The following PTPRN variants were observed in gnomAD, a reference collection of about 807,000 sequenced individuals.
PTPRN encodes receptor-type tyrosine-protein phosphatase-like N.
A neutral mutation model predicts 108.5 loss-of-function variants in PTPRN; 70 were observed. The ratio of observed to expected loss-of-function variants is 0.65; its 90% confidence interval spans 0.53 to 0.79. The LOEUF is 0.79. PTPRN is among the 30% of genes least tolerant of loss of function. The pLI is 0.00. For missense variants in PTPRN, 1,136 were observed against 1,295.5 expected (o/e 0.88, Z 1.89); for synonymous variants, 496 against 524.6 (o/e 0.95, Z 0.75).
chr2:219,296,408 C>A lies in PTPRN; in HGVS notation c.2388+31G>T, dbSNP rs201462229. On this transcript the variant is annotated intron_variant, in intron 17 of 22. Coordinates refer to ENST00000295718, the MANE Select transcript of PTPRN (RefSeq NM_002846.4). The surrounding 1 kb of genome is among the most constrained non-coding windows in gnomAD (Gnocchi z 6.0). ...CCCTGGGACCTCGTGGCCACAAGGA[C>A]CCCAGCGAAGCCCTCCCTTTAAGAG... The A allele has an allele frequency of 1.6e-4, 266 of 1,614,062 alleles. No homozygotes were observed. The highest frequency in any genetic ancestry group is 1.9e-4 in the Non-Finnish European group (223 of 1,179,930).
intron 6 of PTPRN, among the ~76,000 whole-genome samples, 180 bp downstream of exon 6, chr2:219,301,957 A>G (rs957042863): frequency 6.6e-6 from 1 of 151,762 alleles, no homozygotes; most frequent in African/African-American, 2.4e-5. Context: ...AGTCACGTCA[A>G]CTCCACTCCC....
rs1222028348 is a variant in PTPRN, at chr2:219,299,145, C to A, written c.1604-34G>T. The A allele has an allele frequency of 2.5e-6, 4 of 1,613,518 alleles. No homozygotes were observed. In the Admixed American group the frequency reaches 6.7e-5, roughly 27 times the overall value. ...AGGACAAAGGTCAGGCTTGCTCCAG[C>A]CCCATGTGGTCTCCATCCTCTGTCT... is the stretch of plus-strand genomic sequence containing the variant. On this transcript the variant is annotated intron_variant, in intron 11 of 22. Coordinates refer to ENST00000295718, the MANE Select transcript of PTPRN (RefSeq NM_002846.4).
chr2:219,294,028 G>A (rs1439203966), intron 19 of PTPRN: 6 of 488,112 alleles, frequency 1.2e-5, no homozygotes, highest in Non-Finnish European at 2.5e-5. Context: ...CACTCCTTTC[G>A]ACAGTCTTTG....
intron 19 of PTPRN, chr2:219,294,104 T>C (rs1475800235): frequency 1.9e-6 from 1 of 529,648 alleles, no homozygotes; most frequent in Non-Finnish European, 3.9e-6. Context: ...TGTCTGTCCA[T>C]GCAGCAGCCA....
chr2:219,303,630 A>T lies in PTPRN; in HGVS notation c.377+105T>A, dbSNP rs111755690. ...TGCACCTCTTTACCTGTGCCCCAGC[A>T]TGCTGGCCTTGGTGCCCACTTCCTT... On this transcript the variant is annotated intron_variant, in intron 4 of 22. Transcript: ENST00000295718. 1.1e-4 allele frequency: 115 copies of T among 1,042,690 alleles called. No homozygotes were observed. The African/African-American group carries it at 1.6e-3, about 15-fold the overall frequency. 64.6% of individuals were successfully genotyped at this position (1,042,690 alleles called of 1,614,324 possible).
At chr2:219,301,866 C>T in intron 6 of PTPRN, 147 bp from the exon 7 acceptor site, 1 of 1,134,126 alleles carries the variant, frequency 8.8e-7, no homozygotes, top group Non-Finnish European at 1.2e-6. Context: ...CCTTTCCCAG[C>T]CCTTGTCCAC....
chr2:219,302,622 G>A lies in PTPRN; in HGVS notation c.593C>T (p.Ser198Leu). 6.2e-7 allele frequency: 1 copy of A among 1,613,998 alleles called. No homozygotes were observed. Among genetic ancestry groups the A allele is most frequent in the South Asian group, 1.1e-5 (1 of 91,082 alleles). The stretch of plus-strand genomic sequence containing the variant: ...CAGCAAGGCAGGTTCGTAACTCAGT[G>A]AAGGGTGGGGAGGCTGTGGGGGCAG... Reference protein sequence around the residue: ...LLLPPQPPHPSLSYEPALLQP... With the variant: ...LLLPPQPPHPLLSYEPALLQP... Residue 198 changes from serine to leucine, a missense_variant, in exon 5 of 23, where the codon TCA (serine) becomes TTA (leucine). Transcript: ENST00000295718.
chr2:219,308,213 T>C, intron 1 of PTPRN: 1 of 253,536 alleles, frequency 3.9e-6, no homozygotes, highest in South Asian at 4.2e-5. Context: ...GGCCTGGAAC[T>C]CAGAAGAGGT....
intron 12 of PTPRN, among the ~76,000 whole-genome samples, chr2:219,298,550 C>A (rs1248392629): frequency 2.0e-5 from 3 of 151,120 alleles, no homozygotes; most frequent in Non-Finnish European, 3.0e-5. Context: ...ACTAAAAATA[C>A]AAAAAAAAAT....
chr2:219,307,745 C>A, intron 2 of PTPRN, 47 bp downstream of exon 2: 1 of 1,600,080 alleles, frequency 6.2e-7, no homozygotes, highest in Non-Finnish European at 8.6e-7. Context: ...TTTTTTATTG[C>A]CCCTCTCCCC....
intron 3 of PTPRN, 95 bp downstream of exon 3, chr2:219,307,348 TG>T: frequency 9.7e-7 from 1 of 1,034,056 alleles, no homozygotes; most frequent in Non-Finnish European, 1.4e-6. Flanking sequence ...GCTCCAGCAG[TG>T]GGGGTGATAG....
chr2:219,309,199 G>A lies in PTPRN; in HGVS notation c.115+19C>T. The A allele has an allele frequency of 1.3e-6, 1 of 767,852 alleles. No individual in the cohort carries two copies. The highest frequency in any genetic ancestry group is 2.0e-6 in the Non-Finnish European group (1 of 498,294). The allele number at this position is 767,852 out of a possible 1,614,324, so 47.6% of individuals were successfully genotyped here. On this transcript the variant is annotated intron_variant, in intron 1 of 22. Coordinates refer to ENST00000295718, the MANE Select transcript of PTPRN (RefSeq NM_002846.4). ...GCTCCCCGCCCCCCACCACCCGCCAGCCCAAGTTTCCTCCTGACCGTGGGC... is the reference window on the plus strand; with the variant it reads ...GCTCCCCGCCCCCCACCACCCGCCAACCCAAGTTTCCTCCTGACCGTGGGC...
rs1574908727 is a variant in PTPRN, at chr2:219,291,341, A to G, written c.2729+129T>C. 5.8e-6 allele frequency: 6 copies of G among 1,034,732 alleles called. No individual in the cohort carries two copies. In the East Asian group the frequency reaches 9.8e-5, roughly 17 times the overall value. 64.1% of individuals were successfully genotyped at this position (1,034,732 alleles called of 1,614,324 possible). A position where few individuals can be genotyped will look rare whatever the true frequency, so the allele number is the denominator to read the frequency against. On this transcript the variant is annotated intron_variant, in intron 20 of 22. Transcript: ENST00000295718. ...ATGCCACGCTTAGGTCTTGGCCATT[A>G]AAAACAGGTGGTGTGCTGGATTTGG...
At position 219,291,612 on chromosome 2, in the gene PTPRN, C is replaced by T. The variant is rs555879298; in HGVS notation, c.2676-89G>A. ...CACATGACGTGGGCCTCTCTTTCTTCCTTTTCTCCCCACCTGCCCGGGGCA... is the reference window on the plus strand; with the variant it reads ...CACATGACGTGGGCCTCTCTTTCTTTCTTTTCTCCCCACCTGCCCGGGGCA... On this transcript the variant is annotated intron_variant, in intron 19 of 22. Transcript: ENST00000295718. The T allele has an allele frequency of 2.5e-5, 33 of 1,308,890 alleles. 1 individual carries two copies. In the South Asian group the frequency reaches 3.1e-4, roughly 12 times the overall value. 81.1% of individuals were successfully genotyped at this position (1,308,890 alleles called of 1,614,324 possible).
rs2292603 is a variant in PTPRN at position 219,296,574 on chromosome 2, G to A, written c.2311-58C>T. 0.023 allele frequency: 36,740 copies of A among 1,602,046 alleles called. 897 individuals are homozygous for A. The highest frequency in any genetic ancestry group is 0.097 in the East Asian group (4,366 of 44,804). On this transcript the variant is annotated intron_variant, in intron 16 of 22. Transcript: ENST00000295718. This position sits in a 1 kb window ranked among gnomAD's most constrained non-coding sequence, Gnocchi z 6.0. ...GTGGGAAATGCCACTATGGACAGGC[G>A]TGGTCAGAGCAAGTGGGTCAGGGTC...
At position 219,307,839 on chromosome 2, in the gene PTPRN, C is replaced by T; in HGVS notation, c.119G>A (p.Cys40Tyr). Residue 40 changes from cysteine (C) to tyrosine (Y), a missense_variant, in exon 2 of 23, where the codon TGT becomes TAT. By Grantham distance (194) the Cys-to-Tyr change is radical (BLOSUM62 -2). Transcript: ENST00000295718. Reference protein sequence around the residue: ...GGCSAVSAHGCLFDRRLCSHL... With the variant: ...GGCSAVSAHGYLFDRRLCSHL... ...AGAGCAGAGCCTGCGGTCAAATAGA[C>T]AGCCTGTAGAGGAAAAGGTGAGCAG... 6.2e-7 allele frequency: 1 copy of T among 1,614,146 alleles called. No homozygotes were observed. Among genetic ancestry groups the T allele is most frequent in the Admixed American group, 1.7e-5 (1 of 60,028 alleles).
At chr2:219,301,756 C>T (rs567305425) in intron 6 of PTPRN, 37 bp from the exon 7 acceptor site, 14 of 1,582,602 alleles carry the variant, frequency 8.8e-6, no homozygotes, top group East Asian at 4.5e-5. Context: ...GGGCTGATTG[C>T]GCAGTGAACT....
In PTPRN at chr2:219,296,569, C is replaced by T; in HGVS notation, c.2311-53G>A. The stretch of plus-strand genomic sequence containing the variant: ...CCAGTGTGGGAAATGCCACTATGGA[C>T]AGGCGTGGTCAGAGCAAGTGGGTCA... On this transcript the variant is annotated intron_variant, in intron 16 of 22. Coordinates refer to ENST00000295718, the MANE Select transcript of PTPRN (RefSeq NM_002846.4). The surrounding 1 kb of genome is among the most constrained non-coding windows in gnomAD (Gnocchi z 6.0). 5.6e-6 allele frequency: 9 copies of T among 1,604,726 alleles called. No individual in the cohort carries two copies. The highest frequency in any genetic ancestry group is 7.7e-6 in the Non-Finnish European group (9 of 1,172,528).
At chr2:219,295,276 C>T (rs982487881) in intron 18 of PTPRN, 135 bp from the exon 19 acceptor site, 20 of 929,846 alleles carry the variant, frequency 2.2e-5, no homozygotes, top group Middle Eastern at 3.3e-4. Flanking sequence ...TAAGTTCCAG[C>T]GGTCCCAGGA....
Sources: allele counts gnomAD v4.1 joint callset (sites outside exome capture counted in the v4.1 genomes callset), GRCh38; gene constraint gnomAD v4.1.1; non-coding constraint Gnocchi (gnomAD v3.1); transcripts MANE v1.5; gene names NCBI Gene and HGNC (gene_info 2026-07-23, HGNC 2026-07-21).